The following IQGAP2 variants were observed in gnomAD, a reference collection of about 807,000 sequenced individuals.
IQGAP2 encodes IQ motif containing GTPase activating protein 2.
A neutral mutation model predicts 201.3 loss-of-function variants in IQGAP2; 173 were observed. The ratio of observed to expected loss-of-function variants is 0.86; its 90% CI spans 0.76 to 0.98. The LOEUF is 0.98. Ranked by LOEUF, IQGAP2 falls within the 50% of genes least tolerant of loss-of-function variation. IQGAP2 has a pLI of 0.00. For missense variants in IQGAP2, 1,687 were observed against 1,864.8 expected, an observed-to-expected ratio of 0.90 and a Z score of 1.76; for synonymous variants, 675 against 673.9, an observed-to-expected ratio of 1.00 and a Z score of -0.03.
In IQGAP2 at chr5:76,674,653, A is replaced by C; in HGVS notation, c.3471A>C (p.Glu1157Asp). ...HAASNKLFEGENEHLSSMNNY... is the reference protein window; with the variant it reads ...HAASNKLFEGDNEHLSSMNNY... ...CCTCCAACAAGCTGTTTGAAGGAGA[A>C]AATGAGCATCTCTCATCTATGAACA... The change falls in exon 27 of 36, where the codon GAA becomes GAC. Residue 1157 changes from glutamate (E) to aspartate (D), a missense_variant. Coordinates refer to ENST00000274364, the MANE Select transcript of IQGAP2 (RefSeq NM_006633.5). 6.2e-7 allele frequency: 1 copy of C among 1,614,194 alleles called. No homozygotes were observed. The highest frequency in any genetic ancestry group is 8.5e-7 in the Non-Finnish European group (1 of 1,180,002).
chr5:76,629,137 A>G (rs149043962), intron 14 of IQGAP2, among the ~76,000 whole-genome samples: 217 of 152,300 alleles, frequency 1.4e-3, no homozygotes, highest in African/African-American at 5.0e-3. Flanking sequence ...TGTACTCTGT[A>G]TTGCACATCT....
At chr5:76,544,718 G>A (rs894106885) in intron 2 of IQGAP2, among the ~76,000 whole-genome samples, 15 of 152,132 alleles carry the variant, frequency 9.9e-5, no homozygotes, top group African/African-American at 3.6e-4. Flanking sequence ...TACACGTGGT[G>A]CAAAATGTAA....
intron 15 of IQGAP2, among the ~76,000 whole-genome samples, chr5:76,636,045 G>T (rs571421237): frequency 6.6e-6 from 1 of 152,302 alleles, no homozygotes; most frequent in East Asian, 1.9e-4. Flanking sequence ...GAAAGAACAG[G>T]TGAGGGGCAT....
intron 1 of IQGAP2, among the ~76,000 whole-genome samples, chr5:76,419,574 G>A (rs747345033): frequency 6.6e-6 from 1 of 152,052 alleles, no homozygotes; most frequent in Non-Finnish European, 1.5e-5. Context: ...CTGATCTCAA[G>A]TGATCCCCCC....
intron 2 of IQGAP2, among the ~76,000 whole-genome samples, chr5:76,522,435 G>A (rs1420710354): frequency 3.9e-5 from 6 of 152,128 alleles, no homozygotes; most frequent in Admixed American, 2.6e-4. Flanking sequence ...CACCCACCTC[G>A]GCCTCCCAAA....
chr5:76,514,148 C>T (rs963652237), intron 2 of IQGAP2, among the ~76,000 whole-genome samples: 3 of 150,618 alleles, frequency 2.0e-5, no homozygotes, highest in African/African-American at 7.3e-5. Context: ...CTCAGCTTCC[C>T]GAGTAGATGG....
chr5:76,505,861 G>C (rs1327251150), intron 2 of IQGAP2, among the ~76,000 whole-genome samples: 1 of 152,134 alleles, frequency 6.6e-6, no homozygotes, highest in African/African-American at 2.4e-5. Flanking sequence ...CTTTATTCCT[G>C]TTCCTGGTAA....
chr5:76,535,637 C>G (rs948721100), intron 2 of IQGAP2, among the ~76,000 whole-genome samples: 4 of 152,160 alleles, frequency 2.6e-5, no homozygotes, highest in Non-Finnish European at 5.9e-5. Context: ...CTTCTCCTTG[C>G]CTGTTCCATA....
intron 28 of IQGAP2, among the ~76,000 whole-genome samples, chr5:76,682,492 T>C (rs1434301540): frequency 6.6e-6 from 1 of 152,094 alleles, no homozygotes; most frequent in Non-Finnish European, 1.5e-5. Flanking sequence ...GTGTTGTCTT[T>C]CATGGTTTCC....
chr5:76,620,842 A>G (rs1007193264), intron 13 of IQGAP2, among the ~76,000 whole-genome samples: 2 of 152,242 alleles, frequency 1.3e-5, no homozygotes, highest in African/African-American at 4.8e-5. Context: ...ATAGAAACAC[A>G]TCAACTATAT....
At chr5:76,598,041 G>T (rs1414196653) in intron 10 of IQGAP2, among the ~76,000 whole-genome samples, 1 of 152,102 alleles carries the variant, frequency 6.6e-6, no homozygotes, top group Non-Finnish European at 1.5e-5. Context: ...ACCTTAATAT[G>T]ACAACAGCAT....
chr5:76,538,995 G>T (rs1235685666), intron 2 of IQGAP2, among the ~76,000 whole-genome samples: 1 of 152,202 alleles, frequency 6.6e-6, no homozygotes, highest in Non-Finnish European at 1.5e-5. Context: ...TCTTGGGGCT[G>T]TGTTTGGCTT....
intron 1 of IQGAP2, among the ~76,000 whole-genome samples, chr5:76,428,868 A>G (rs1383390812): frequency 2.0e-5 from 3 of 151,796 alleles, no homozygotes; most frequent in South Asian, 4.2e-4. Flanking sequence ...CAAGGCAGGC[A>G]GATCACCTGA....
rs939723043 is a variant in IQGAP2 at position 76,671,702 on chromosome 5, A to G, written c.2844-57A>G. On this transcript the variant is annotated intron_variant, in intron 23 of 35. Coordinates refer to ENST00000274364, the MANE Select transcript of IQGAP2 (RefSeq NM_006633.5). ...GACTGTCTCGGGGAAAAAAAAAAAA[A>G]AAAAAAATCTGTATCCATGGAAGCA... 31 of 1,311,492 alleles carry G rather than the reference A, an allele frequency of 2.4e-5. No individual in the cohort carries two copies. The South Asian group carries it at 4.3e-4, about 18-fold the overall frequency. 81.2% of individuals were successfully genotyped at this position (1,311,492 alleles called of 1,614,324 possible).
intron 10 of IQGAP2, among the ~76,000 whole-genome samples, chr5:76,600,201 G>A (rs1747335840): frequency 6.6e-6 from 1 of 152,100 alleles, no homozygotes; most frequent in African/African-American, 2.4e-5. Context: ...AAAAAACCTG[G>A]AGAGCTTTAC....
chr5:76,593,549 C>T (rs1746806195), intron 9 of IQGAP2, among the ~76,000 whole-genome samples: 2 of 152,152 alleles, frequency 1.3e-5, no homozygotes, highest in South Asian at 2.1e-4. Context: ...TTAAAATAAG[C>T]GTATGCAGGT....
intron 1 of IQGAP2, among the ~76,000 whole-genome samples, chr5:76,416,266 A>T (rs1470912832): frequency 6.6e-6 from 1 of 152,174 alleles, no homozygotes; most frequent in Non-Finnish European, 1.5e-5. Flanking sequence ...TGGAGAATGC[A>T]TTTGCTGCTT....
In IQGAP2 at chr5:76,485,226, G is replaced by A. The variant is rs184049743; in HGVS notation, c.146+23557G>A. Among the ~76,000 whole-genome samples, 345 of 152,326 alleles carry A rather than the reference G, an allele frequency of 2.3e-3. 2 individuals are homozygous for A. Among genetic ancestry groups the A allele is most frequent in the Non-Finnish European group, 4.0e-3 (274 of 68,022 alleles). ...GAGCCTATATCCAGAGCCCAGGCCA[G>A]AACCCAATTCTCTGGATGACCATGC... On this transcript the variant is annotated intron_variant, in intron 2 of 35. Transcript: ENST00000274364.
intron 2 of IQGAP2, among the ~76,000 whole-genome samples, chr5:76,541,442 A>C (rs952084810): frequency 6.6e-6 from 1 of 152,206 alleles, no homozygotes; most frequent in Non-Finnish European, 1.5e-5. Flanking sequence ...GTTGCTGGGC[A>C]CGTGAGTTGT....
Sources: gnomAD v4.1 joint callset for allele counts (sites outside exome capture counted in the v4.1 genomes callset) on GRCh38, gnomAD v4.1.1 for gene constraint, MANE v1.5 for transcripts, NCBI Gene and HGNC (gene_info 2026-07-23, HGNC 2026-07-21) for gene names.